Variants in SHPRH observed in about 807,000 individuals in gnomAD.
SHPRH encodes the protein E3 ubiquitin-protein ligase SHPRH.
Under a neutral mutation model 202.5 loss-of-function variants are expected in SHPRH, and 106 were observed. The observed-to-expected ratio is 0.52, with a 90% CI of 0.45 to 0.62. The LOEUF (loss-of-function observed/expected upper bound fraction) is 0.62, where lower values mean the gene tolerates loss of function less well. SHPRH is among the 20% of genes least tolerant of loss of function. The pLI is 0.00. For missense variants in SHPRH, 1,710 were observed against 2,020.0 expected (o/e 0.85, Z 2.94); for synonymous variants, 729 against 686.0 (o/e 1.06, Z -0.98).
intron 25 of SHPRH, chr6:145,908,500 T>G (rs879835664): frequency 2.0e-5 from 3 of 152,204 alleles, no homozygotes; most frequent in African/African-American, 7.2e-5. Flanking sequence ...CTGATTTGCA[T>G]TTCTCCGATG....
chr6:145,890,167 G>C (rs1375334180), intron 28 of SHPRH, among the ~76,000 whole-genome samples: 1 of 152,192 alleles, frequency 6.6e-6, no homozygotes. Context: ...CAGCCACACA[G>C]AAGCAGCAGT....
chr6:145,926,380 C>G, intron 15 of SHPRH, 84 bp from the exon 16 acceptor site: 1 of 1,059,040 alleles, frequency 9.4e-7, no homozygotes, highest in Non-Finnish European at 1.4e-6. Flanking sequence ...GCACACAGAA[C>G]ACTAACACCA....
At chr6:145,897,442 T>G (rs558053429) in intron 25 of SHPRH, among the ~76,000 whole-genome samples, 1 of 152,230 alleles carries the variant, frequency 6.6e-6, no homozygotes, top group African/African-American at 2.4e-5. Context: ...GTTTCACTGG[T>G]AAAGTTAAAC....
rs566915568 is a variant in SHPRH, at chr6:145,947,697, A to G, written c.1062-54T>C. 1,067 of 1,586,678 alleles carry G rather than the reference A, an allele frequency of 6.7e-4. 1 individual carries two copies. The highest frequency in any genetic ancestry group is 8.6e-4 in the Non-Finnish European group (999 of 1,164,264). ...CATAGGAATGTGAATACAAATTACA[A>G]TGTTCCTAATTACTTTTCCTAAAGA... On this transcript the variant is annotated intron_variant, in intron 5 of 29. Coordinates refer to ENST00000275233, the MANE Select transcript of SHPRH (RefSeq NM_001042683.3).
chr6:145,887,643 C>A (rs1781185783), intron 29 of SHPRH, among the ~76,000 whole-genome samples: 1 of 148,404 alleles, frequency 6.7e-6, no homozygotes, highest in Admixed American at 6.9e-5. Context: ...TCAAGCGATT[C>A]TCCTGCTTCA....
At chr6:145,863,670 G>A (rs1359870456), downstream of SHPRH, among the ~76,000 whole-genome samples, 1 of 152,098 alleles carries the variant, frequency 6.6e-6, no homozygotes, top group East Asian at 1.9e-4. Flanking sequence ...AGTTAATAAA[G>A]GACAAATTTT....
intron 25 of SHPRH, chr6:145,908,665 C>G (rs1254298475): frequency 2.0e-5 from 3 of 152,046 alleles, no homozygotes; most frequent in African/African-American, 7.2e-5. Flanking sequence ...AGACCTCTGT[C>G]AGATGGGTTG....
chr6:145,922,407 TAAG>T, intron 19 of SHPRH, 59 bp from the exon 20 acceptor site: 1 of 1,511,376 alleles, frequency 6.6e-7, no homozygotes, highest in Non-Finnish European at 8.9e-7. Context: ...CTGGTAATTT[TAAG>T]GAGAAGCTTA....
intron 14 of SHPRH, among the ~76,000 whole-genome samples, chr6:145,929,065 T>C (rs1785166896): frequency 6.6e-6 from 1 of 151,932 alleles, no homozygotes; most frequent in African/African-American, 2.4e-5. Context: ...AAAGAAGGTA[T>C]AGTGATTAAA....
intron 25 of SHPRH, among the ~76,000 whole-genome samples, chr6:145,902,507 C>A (rs765763761): frequency 1.3e-5 from 2 of 152,056 alleles, no homozygotes; most frequent in African/African-American, 2.4e-5. Context: ...GAAAAAAATT[C>A]TTCTAATAAA....
In SHPRH at chr6:145,940,884, C is replaced by T. The variant is rs1786698806; in HGVS notation, c.2491-83G>A. The stretch of plus-strand genomic sequence containing the variant: ...AGAAGTCAGGCATACTCATGAAAAA[C>T]AGCCCATTAAAAGCTACACTTCTGG... On this transcript the variant is annotated intron_variant, in intron 10 of 29. Coordinates refer to ENST00000275233, the MANE Select transcript of SHPRH (RefSeq NM_001042683.3). The T allele has an allele frequency of 1.0e-5, 14 of 1,375,574 alleles. No individual in the cohort carries two copies. The South Asian group carries it at 1.3e-4, about 13-fold the overall frequency. 85.2% of individuals were successfully genotyped at this position (1,375,574 alleles called of 1,614,324 possible). A position where few individuals can be genotyped will look rare whatever the true frequency, so the allele number is the denominator to read the frequency against.
chr6:145,900,828 T>C (rs1277513812), intron 25 of SHPRH, among the ~76,000 whole-genome samples: 1 of 152,160 alleles, frequency 6.6e-6, no homozygotes, highest in Non-Finnish European at 1.5e-5. Context: ...ATTTGTGTTT[T>C]TTAAATATGC....
intron 25 of SHPRH, among the ~76,000 whole-genome samples, chr6:145,898,814 C>T (rs780920827): frequency 1.2e-4 from 18 of 152,052 alleles, no homozygotes; most frequent in Non-Finnish European, 1.9e-4. Context: ...GTTAAATAAT[C>T]CTCTTTTTTC....
chr6:145,892,433 A>G (rs1781646703), intron 28 of SHPRH, among the ~76,000 whole-genome samples: 1 of 152,152 alleles, frequency 6.6e-6, no homozygotes, highest in South Asian at 2.1e-4. Context: ...TTCCTGTACT[A>G]CACAGTGACC....
chr6:145,879,910 CAAAAAA>C (rs67055862), downstream of SHPRH, among the ~76,000 whole-genome samples: 1 of 61,110 alleles, frequency 1.6e-5, no homozygotes, highest in Non-Finnish European at 2.9e-5. Context: ...AACTCAATCT[CAAAAAA>C]AAAAAAAAAA....
rs982779760 is a variant in SHPRH, at chr6:145,955,468, T to C, written c.-32-114A>G. 4.8e-6 allele frequency: 5 copies of C among 1,046,128 alleles called. No homozygotes were observed. In the African/African-American group the frequency reaches 7.9e-5, roughly 17 times the overall value. The allele number at this position is 1,046,128 out of a possible 1,614,324, so 64.8% of individuals were successfully genotyped here. On this transcript the variant is annotated intron_variant, in intron 1 of 29. Transcript: ENST00000275233. ...AGCCCATAAACATAATATGAAATCT[T>C]CTGTGAGATATAAGGCAATGAGTAA...
At chr6:145,918,838 A>C (rs1289052792) in intron 22 of SHPRH, 1 of 152,942 alleles carries the variant, frequency 6.5e-6, no homozygotes, top group African/African-American at 2.4e-5. Context: ...TAAAGGAAAT[A>C]ATATCTTTTA....
downstream of SHPRH, chr6:145,884,147 G>T (rs1780793329): frequency 1.3e-5 from 2 of 148,616 alleles, 1 homozygote; most frequent in Non-Finnish European, 3.0e-5. Context: ...TAGTTGGTTT[G>T]ATCATTATTT....
chr6:145,924,031 A>G (rs1042717630), intron 17 of SHPRH, among the ~76,000 whole-genome samples: 4 of 151,964 alleles, frequency 2.6e-5, no homozygotes, highest in Non-Finnish European at 4.4e-5. Flanking sequence ...TATTGAATGC[A>G]TTTATATAAC....
Sources: gnomAD v4.1 joint callset for allele counts (sites outside exome capture counted in the v4.1 genomes callset) on GRCh38, gnomAD v4.1.1 for gene constraint, MANE v1.5 for transcripts, NCBI Gene and HGNC (gene_info 2026-07-23, HGNC 2026-07-21) for gene names.